POTEI: variants seen among roughly 807,000 people sequenced by gnomAD.
The protein encoded by POTEI is POTE ankyrin domain family member I.
POTEI carries 14 observed loss-of-function variants against 43.4 expected under a neutral mutation model. The ratio of observed to expected loss-of-function variants is 0.32; its 90% CI spans 0.21 to 0.50. The LOEUF (loss-of-function observed/expected upper bound fraction) is 0.50, where lower values mean the gene tolerates loss of function less well. Among genes scored for constraint, POTEI ranks in the 20% least tolerant of loss-of-function variants. POTEI has a pLI of 0.98. For missense variants in POTEI, 235 were observed against 795.4 expected (o/e 0.30, Z 8.47); for synonymous variants, 95 against 297.9 (o/e 0.32, Z 7.01).
At chr2:130,477,669 T>C (rs1573918651) in intron 10 of POTEI, among the ~76,000 whole-genome samples, 2 of 136,236 alleles carry the variant, frequency 1.5e-5, no homozygotes, top group African/African-American at 5.9e-5. Flanking sequence ...GTCTTTGTTT[T>C]ACTCAGAAAT....
chr2:130,477,160 T>C (rs1315477166), intron 10 of POTEI, among the ~76,000 whole-genome samples: 5 of 141,922 alleles, frequency 3.5e-5, no homozygotes, highest in Admixed American at 2.1e-4. Context: ...TTCTTTTTTC[T>C]TTTTTTTTTT....
Position 130,461,113 on chromosome 2 carries a change from G to A in POTEI, c.*1703C>T, listed in dbSNP as rs1472719031. 3 of 151,784 alleles carry A rather than the reference G, an allele frequency of 2.0e-5. No homozygotes were observed. The highest frequency in any genetic ancestry group is 7.3e-5 in the African/African-American group (3 of 41,134). The allele number at this position is 151,784 out of a possible 1,614,324, so 9.4% of individuals were successfully genotyped here. A position where few individuals can be genotyped will look rare whatever the true frequency, so the allele number is the denominator to read the frequency against. On this transcript the variant is annotated 3_prime_UTR_variant, in exon 15 of 15. Coordinates refer to ENST00000451531, the MANE Select transcript of POTEI (RefSeq NM_001277406.2). ...GTTGCCAATCTGAACACACCTATAAGATGTGGCTGGAGGCAAGTTGAGAAG... is the reference window on the plus strand; with the variant it reads ...GTTGCCAATCTGAACACACCTATAAAATGTGGCTGGAGGCAAGTTGAGAAG...
intron 3 of POTEI, among the ~76,000 whole-genome samples, chr2:130,502,050 G>A (rs1196704699): frequency 6.6e-5 from 3 of 45,358 alleles, no homozygotes; most frequent in African/African-American, 1.4e-4. Context: ...AAGCAGGAGT[G>A]TATCCAGATT....
Position 130,491,836 on chromosome 2 carries a change from G to C in POTEI, c.1127-1096C>G, listed in dbSNP as rs1331164868. Among the ~76,000 whole-genome samples, 3 of 57,724 alleles carry C rather than the reference G, an allele frequency of 5.2e-5. 1 individual carries two copies. Among genetic ancestry groups the C allele is most frequent in the Non-Finnish European group, 1.2e-4 (3 of 24,302 alleles). The allele number at this position is 57,724 out of a possible 152,430, so 37.9% of individuals were successfully genotyped here. On this transcript the variant is annotated intron_variant, in intron 6 of 14. Transcript: ENST00000451531. ...TGCCCTGCTAATTTTCGTGTTTTTA[G>C]TAGAGACGGGGTTTCACCATTGGCC...
intron 9 of POTEI, among the ~76,000 whole-genome samples, chr2:130,483,653 G>T (rs1358100774): frequency 1.5e-5 from 2 of 132,660 alleles, no homozygotes; most frequent in Admixed American, 1.6e-4. Context: ...GGAGTGCAGT[G>T]CAACGATCTC....
In POTEI at chr2:130,509,023, G is replaced by A. The variant is rs760038498; in HGVS notation, c.213C>T (p.Cys71=). The change falls in exon 1 of 15, where the codon TGC becomes TGT. Residue 71 remains cysteine, a synonymous_variant. Transcript: ENST00000451531. The stretch of plus-strand genomic sequence containing the variant: ...CGTTGCTCTTGCCACTCCCCCTGCA[G>A]CAGGGGAAGCAGTGGCAGCACCACT... ...MGKWCCHCFP[C]CRGSGKSNVG... is the part of the protein sequence containing the mutation. The A allele has an allele frequency of 2.6e-6, 4 of 1,520,138 alleles. 1 individual carries two copies. Among genetic ancestry groups the A allele is most frequent in the South Asian group, 1.1e-5 (1 of 87,760 alleles). The allele number at this position is 1,520,138 out of a possible 1,614,324, so 94.2% of individuals were successfully genotyped here. A position where few individuals can be genotyped will look rare whatever the true frequency, so the allele number is the denominator to read the frequency against.
At chr2:130,478,564 A>G (rs1347324824) in intron 10 of POTEI, among the ~76,000 whole-genome samples, 1 of 109,172 alleles carries the variant, frequency 9.2e-6, no homozygotes, top group Non-Finnish European at 1.8e-5. Flanking sequence ...GGAAAAACAC[A>G]AAGCACATTT....
At chr2:130,484,610 T>G (rs1683528217) in intron 9 of POTEI, among the ~76,000 whole-genome samples, 1 of 87,202 alleles carries the variant, frequency 1.1e-5, no homozygotes, top group Non-Finnish European at 3.2e-5. Context: ...GCACTAGGGG[T>G]AGATACGGGA....
rs1394347554 is a variant in POTEI at position 130,461,830 on chromosome 2, C to T, written c.*986G>A. On this transcript the variant is annotated 3_prime_UTR_variant, in exon 15 of 15. Transcript: ENST00000451531. ...CCCGCAGGCTGGAATGACTAAGTTG[C>T]CTGAACGGGAAAGATGGCGGCCTGC... is the stretch of plus-strand genomic sequence containing the variant. 1.3e-5 allele frequency: 2 copies of T among 151,798 alleles called. No homozygotes were observed. Among genetic ancestry groups the T allele is most frequent in the African/African-American group, 4.8e-5 (2 of 41,364 alleles). The allele number at this position is 151,798 out of a possible 1,614,324, so 9.4% of individuals were successfully genotyped here. A position where few individuals can be genotyped will look rare whatever the true frequency, so the allele number is the denominator to read the frequency against.
At chr2:130,468,777 C>T (rs370823126) in intron 13 of POTEI, among the ~76,000 whole-genome samples, 2 of 151,668 alleles carry the variant, frequency 1.3e-5, no homozygotes, top group Non-Finnish European at 2.9e-5. Context: ...ATTTTTATTA[C>T]TTATGATTTT....
At chr2:130,491,947 A>G (rs4044417) in intron 6 of POTEI, among the ~76,000 whole-genome samples, 1 of 43,400 alleles carries the variant, frequency 2.3e-5, no homozygotes, top group African/African-American at 5.4e-5. Context: ...CACCACACTT[A>G]TCCTTATTTT....
rs1405031489 is a variant in POTEI, at chr2:130,495,404, A to C, written c.1126+1148T>G. Among the ~76,000 whole-genome samples, 2 of 45,970 alleles carry C rather than the reference A, an allele frequency of 4.4e-5. 1 individual carries two copies. The highest frequency in any genetic ancestry group is 1.1e-4 in the Non-Finnish European group (2 of 18,648). 30.2% of individuals were successfully genotyped at this position (45,970 alleles called of 152,430 possible). ...TTTGATAGTTATATGTTAAGTGGAC[A>C]AGTGAAAACATAAATAGCAATGTTT... On this transcript the variant is annotated intron_variant, in intron 6 of 14. Transcript: ENST00000451531.
chr2:130,467,821 T>C (rs1255364108), intron 13 of POTEI, among the ~76,000 whole-genome samples: 3 of 148,100 alleles, frequency 2.0e-5, no homozygotes, highest in Non-Finnish European at 4.5e-5. Flanking sequence ...TAGACATTTC[T>C]CAAAAGAAGA....
At position 130,509,021 on chromosome 2, in the gene POTEI, C is replaced by T. The variant is rs1380383492; in HGVS notation, c.215G>A (p.Cys72Tyr). 6.6e-7 allele frequency: 1 copy of T among 1,520,416 alleles called. No individual in the cohort carries two copies. The highest frequency in any genetic ancestry group is 1.7e-5 in the Admixed American group (1 of 57,420). 94.2% of individuals were successfully genotyped at this position (1,520,416 alleles called of 1,614,324 possible). A position where few individuals can be genotyped will look rare whatever the true frequency, so the allele number is the denominator to read the frequency against. Residue 72 changes from cysteine to tyrosine, a missense_variant, in exon 1 of 15, where the codon TGC becomes TAC. By Grantham distance (194) the Cys-to-Tyr change is radical. Coordinates refer to ENST00000451531, the MANE Select transcript of POTEI (RefSeq NM_001277406.2). ...CACGTTGCTCTTGCCACTCCCCCTG[C>T]AGCAGGGGAAGCAGTGGCAGCACCA... Reference protein sequence around the residue: ...GKWCCHCFPCCRGSGKSNVGT... With the variant: ...GKWCCHCFPCYRGSGKSNVGT...
intron 9 of POTEI, among the ~76,000 whole-genome samples, chr2:130,484,539 G>C (rs1683523759): frequency 1.1e-5 from 1 of 91,890 alleles, no homozygotes; most frequent in Admixed American, 1.4e-4. Flanking sequence ...AGGATATCTG[G>C]GGAAAAAGCA....
rs1231848002 is a variant in POTEI at position 130,459,895 on chromosome 2, G to T, written c.*2921C>A. 7.0e-6 allele frequency: 1 copy of T among 143,044 alleles called. No homozygotes were observed. Among genetic ancestry groups the T allele is most frequent in the East Asian group, 2.0e-4 (1 of 5,088 alleles). 8.9% of individuals were successfully genotyped at this position (143,044 alleles called of 1,614,324 possible). A position where few individuals can be genotyped will look rare whatever the true frequency, so the allele number is the denominator to read the frequency against. Reference sequence around the variant, plus strand: ...AATTTTGCTGGACATGAAATTCTGGGCTGAAATTTCTTTTCTTTAATGGCA... The same window carrying T: ...AATTTTGCTGGACATGAAATTCTGGTCTGAAATTTCTTTTCTTTAATGGCA... On this transcript the variant is annotated 3_prime_UTR_variant, in exon 15 of 15. Coordinates refer to ENST00000451531, the MANE Select transcript of POTEI (RefSeq NM_001277406.2).
rs530973558 is a variant in POTEI at position 130,461,448 on chromosome 2, C to G, written c.*1368G>C. On this transcript the variant is annotated 3_prime_UTR_variant, in exon 15 of 15. Coordinates refer to ENST00000451531, the MANE Select transcript of POTEI (RefSeq NM_001277406.2). Reference sequence around the variant, plus strand: ...GACTAGAAATGTGGTCAGGGACTGACGTAAACAAGAGTCTGGCCACGTTTT... The same window carrying G: ...GACTAGAAATGTGGTCAGGGACTGAGGTAAACAAGAGTCTGGCCACGTTTT... 6.6e-6 allele frequency: 1 copy of G among 152,158 alleles called. No individual in the cohort carries two copies. The highest frequency in any genetic ancestry group is 1.5e-5 in the Non-Finnish European group (1 of 68,164). 9.4% of individuals were successfully genotyped at this position (152,158 alleles called of 1,614,324 possible).
At chr2:130,468,126 TAAAAG>T (rs1159299500) in intron 13 of POTEI, among the ~76,000 whole-genome samples, 1 of 128,614 alleles carries the variant, frequency 7.8e-6, no homozygotes, top group Non-Finnish European at 1.6e-5. Context: ...CTACACAAAA[TAAAAG>T]AAATCGTACT....
chr2:130,469,028 G>C (rs1682960766), intron 13 of POTEI, among the ~76,000 whole-genome samples: 1 of 146,984 alleles, frequency 6.8e-6, no homozygotes, highest in African/African-American at 2.5e-5. Context: ...TCCTACTGGA[G>C]ATTATGTTAG....
Sources: gnomAD v4.1 joint callset for allele counts (sites outside exome capture counted in the v4.1 genomes callset) on GRCh38, gnomAD v4.1.1 for gene constraint, MANE v1.5 for transcripts, NCBI Gene and HGNC (gene_info 2026-07-23, HGNC 2026-07-21) for gene names.